Variants in CERT1 observed in about 807,000 individuals in gnomAD.
The protein encoded by CERT1 is ceramide transfer protein.
In CERT1, 31 loss-of-function variants were observed where a neutral mutation model predicts 87.9. The observed-to-expected ratio is 0.35, with a 90% CI of 0.27 to 0.48. The LOEUF is 0.48. Among genes scored for constraint, CERT1 ranks in the 20% least tolerant of loss-of-function variants. CERT1 has a pLI of 0.99. For synonymous variants in CERT1, 289 were observed against 250.9 expected, an observed-to-expected ratio of 1.15 and a Z score of -1.44; for missense variants, 487 against 758.0, an observed-to-expected ratio of 0.64 and a Z score of 4.20.
rs1166656325 is a variant in CERT1 at position 75,478,108 on chromosome 5, T to TTC, written c.232-18929_232-18928dup. Among the ~76,000 whole-genome samples, 7 of 150,982 alleles carry TTC rather than the reference T, an allele frequency of 4.6e-5. No individual in the cohort carries two copies. The East Asian group carries it at 1.4e-3, about 29-fold the overall frequency. ...CGGGCAGATCACCTGAAGTCAGGAG[T>TTC]TCGAGACTAGCCTGACCAACATGGC... On this transcript the variant is annotated intron_variant, in intron 2 of 16. Coordinates refer to ENST00000643780, the MANE Select transcript of CERT1 (RefSeq NM_001379029.1).
At position 75,459,159 on chromosome 5, in the gene CERT1, C is replaced by T; in HGVS notation, c.254G>A (p.Arg85Gln). ...ACTATCATTTACACTAATATCAAATCGACATTCATCAAAATCGTGAGGCTG... is the reference window on the plus strand; with the variant it reads ...ACTATCATTTACACTAATATCAAATTGACATTCATCAAAATCGTGAGGCTG... ...VITPHDFDEC[R>Q]FDISVNDSVW... The change falls in exon 3 of 17, where the codon CGA (arginine) becomes CAA (glutamine). Residue 85 changes from arginine (R) to glutamine (Q), a missense_variant. Around this residue, in one of 8 missense-constraint regions of CERT1, gnomAD observed 173 missense variants for 302.2 expected, o/e 0.57. Transcript: ENST00000643780. 6.2e-7 allele frequency: 1 copy of T among 1,609,824 alleles called. No individual in the cohort carries two copies. The highest frequency in any genetic ancestry group is 8.5e-7 in the Non-Finnish European group (1 of 1,176,234).
intron 7 of CERT1, among the ~76,000 whole-genome samples, chr5:75,413,255 C>T (rs887194182): frequency 3.9e-5 from 6 of 152,124 alleles, no homozygotes; most frequent in African/African-American, 1.2e-4. Context: ...CCATCACTGA[C>T]GGAAATGTCG....
intron 3 of CERT1, among the ~76,000 whole-genome samples, chr5:75,439,915 G>A (rs1201428763): frequency 6.6e-6 from 1 of 151,894 alleles, no homozygotes; most frequent in Admixed American, 6.6e-5. Flanking sequence ...ATACTTATGG[G>A]TCCCCCACTA....
intron 7 of CERT1, among the ~76,000 whole-genome samples, chr5:75,413,239 T>C (rs189689249): frequency 2.3e-4 from 35 of 152,328 alleles, no homozygotes; most frequent in African/African-American, 8.2e-4. Context: ...CAGTTGTATA[T>C]GTGGTCCATC....
At chr5:75,456,663 CAAAAAA>C (rs34320476) in intron 3 of CERT1, among the ~76,000 whole-genome samples, 1 of 69,424 alleles carries the variant, frequency 1.4e-5, no homozygotes, top group Non-Finnish European at 2.7e-5. Flanking sequence ...GACCTCATCT[CAAAAAA>C]AAAAAAAAAA....
intron 5 of CERT1, among the ~76,000 whole-genome samples, chr5:75,423,060 C>G (rs907993708): frequency 6.6e-6 from 1 of 152,152 alleles, no homozygotes; most frequent in Non-Finnish European, 1.5e-5. Context: ...TATGGCAGCC[C>G]TAGCAAACTA....
chr5:75,371,885 C>T (rs1561212966), intron 17 of CERT1: 1 of 152,074 alleles, frequency 6.6e-6, no homozygotes, highest in Non-Finnish European at 1.5e-5. Context: ...TAAATGTTGT[C>T]CAGAAGGCCA....
intron 3 of CERT1, among the ~76,000 whole-genome samples, chr5:75,449,918 CCT>C (rs1764708527): frequency 6.6e-6 from 1 of 152,098 alleles, no homozygotes; most frequent in Admixed American, 6.6e-5. Flanking sequence ...TAACAATCTC[CCT>C]GTCTTTTTGA....
At chr5:75,490,358 T>C (rs1766726142) in intron 2 of CERT1, among the ~76,000 whole-genome samples, 1 of 152,168 alleles carries the variant, frequency 6.6e-6, no homozygotes, top group Non-Finnish European at 1.5e-5. Flanking sequence ...AAAACCTTTT[T>C]TTCTTCTTCA....
chr5:75,434,842 T>C (rs1052805817), intron 3 of CERT1, among the ~76,000 whole-genome samples: 4 of 152,084 alleles, frequency 2.6e-5, no homozygotes, highest in Non-Finnish European at 5.9e-5. Flanking sequence ...AATGTCACCT[T>C]TGTCATTTCT....
At chr5:75,473,713 TGA>T (rs1229447762) in intron 2 of CERT1, among the ~76,000 whole-genome samples, 2 of 152,188 alleles carry the variant, frequency 1.3e-5, no homozygotes, top group Admixed American at 6.5e-5. Flanking sequence ...TGAAAAATGC[TGA>T]GAGTGGATGC....
At chr5:75,484,967 C>T (rs889556279) in intron 2 of CERT1, among the ~76,000 whole-genome samples, 1 of 151,998 alleles carries the variant, frequency 6.6e-6, no homozygotes, top group Admixed American at 6.6e-5. Flanking sequence ...ATATGTTAGG[C>T]CACAAAATAA....
intron 1 of CERT1, among the ~76,000 whole-genome samples, chr5:75,508,206 T>C (rs1767745576): frequency 6.6e-6 from 1 of 152,250 alleles, no homozygotes; most frequent in Non-Finnish European, 1.5e-5. Flanking sequence ...TTCATAAGGC[T>C]AAACTTTGTG....
chr5:75,409,474 C>T (rs1305212542), intron 8 of CERT1, among the ~76,000 whole-genome samples: 2 of 152,128 alleles, frequency 1.3e-5, no homozygotes, highest in African/African-American at 2.4e-5. Context: ...TCTTCTGTTC[C>T]ACCTCAGTGG....
intron 6 of CERT1, among the ~76,000 whole-genome samples, chr5:75,417,963 C>T (rs1353126030): frequency 6.6e-6 from 1 of 152,174 alleles, no homozygotes; most frequent in Non-Finnish European, 1.5e-5. Flanking sequence ...TCGAGACCAG[C>T]CTGACAAACA....
At chr5:75,371,603 G>A (rs751333294) in intron 17 of CERT1, 1 of 152,198 alleles carries the variant, frequency 6.6e-6, no homozygotes, top group African/African-American at 2.4e-5. Flanking sequence ...AAGTACTGCA[G>A]TGATCATCCT....
chr5:75,437,806 T>TACTC (rs1336854106), intron 3 of CERT1, among the ~76,000 whole-genome samples: 1 of 149,928 alleles, frequency 6.7e-6, no homozygotes, highest in African/African-American at 2.5e-5. Flanking sequence ...AAAGATAGTA[T>TACTC]ACTCATGAAT....
chr5:75,429,175 GAAT>G (rs35760935), intron 3 of CERT1, among the ~76,000 whole-genome samples: 23 of 143,842 alleles, frequency 1.6e-4, no homozygotes, highest in East Asian at 4.0e-4. Context: ...AATAGAAACT[GAAT>G]AATAATAATA....
At chr5:75,479,901 C>T (rs1057401800) in intron 2 of CERT1, among the ~76,000 whole-genome samples, 2 of 152,118 alleles carry the variant, frequency 1.3e-5, no homozygotes, top group Non-Finnish European at 2.9e-5. Context: ...AATTTATGCT[C>T]CCACCAACAG....
Sources: allele counts gnomAD v4.1 joint callset (sites outside exome capture counted in the v4.1 genomes callset), GRCh38; gene constraint gnomAD v4.1.1; regional missense constraint gnomAD v4.1.1; transcripts MANE v1.5; gene names NCBI Gene and HGNC (gene_info 2026-07-23, HGNC 2026-07-21).